Variants in PDE11A observed in about 807,000 individuals in gnomAD.
PDE11A encodes the protein phosphodiesterase 11A, also known as dual 3',5'-cyclic-AMP and -GMP phosphodiesterase 11A.
PDE11A carries 100 observed loss-of-function variants against 100.5 expected under a neutral mutation model. The ratio of observed to expected loss-of-function variants is 1.00; its 90% CI spans 0.85 to 1.18. The LOEUF is 1.18. PDE11A is among the 50% of genes most tolerant of loss of function. The probability of loss-of-function intolerance (pLI) is 0.00; values close to 1 mark genes in which losing one functional copy is unlikely to be tolerated. For missense variants in PDE11A, 1,141 were observed against 1,152.6 expected (o/e 0.99, Z 0.15); for synonymous variants, 381 against 420.8 (o/e 0.91, Z 1.16).
intron 5 of PDE11A, among the ~76,000 whole-genome samples, chr2:177,874,473 C>G (rs1407957132): frequency 5.3e-5 from 8 of 152,022 alleles, no homozygotes; most frequent in Admixed American, 4.6e-4. Context: ...ATTTTTTAAC[C>G]CTTCCTCTAG....
At chr2:177,708,249 T>TA (rs1335011928) in intron 13 of PDE11A, among the ~76,000 whole-genome samples, 6 of 151,754 alleles carry the variant, frequency 4.0e-5, no homozygotes, top group African/African-American at 1.2e-4. Flanking sequence ...TGATTGAATT[T>TA]TAAAAAATGT....
chr2:178,054,660 A>G (rs972179531), intron 1 of PDE11A, among the ~76,000 whole-genome samples: 7 of 152,154 alleles, frequency 4.6e-5, no homozygotes, highest in African/African-American at 1.7e-4. Context: ...AAGAAAAATC[A>G]AACAACCTCA....
At chr2:177,792,276 T>C (rs1244302626) in intron 9 of PDE11A, among the ~76,000 whole-genome samples, 1 of 152,176 alleles carries the variant, frequency 6.6e-6, no homozygotes, top group African/African-American at 2.4e-5. Context: ...ATTCTTCGGG[T>C]ATAATTGAGC....
At chr2:177,862,191 A>G (rs1394036148) in intron 5 of PDE11A, among the ~76,000 whole-genome samples, 1 of 151,892 alleles carries the variant, frequency 6.6e-6, no homozygotes, top group Non-Finnish European at 1.5e-5. Context: ...AAGTATACCA[A>G]AAACTCCAAG....
At chr2:177,833,673 A>G (rs981127198) in intron 6 of PDE11A, among the ~76,000 whole-genome samples, 14 of 152,244 alleles carry the variant, frequency 9.2e-5, no homozygotes, top group African/African-American at 2.7e-4. Flanking sequence ...ATCCCAGAAT[A>G]GGGCCAATCC....
At chr2:177,659,007 C>T (rs1220426097) in intron 19 of PDE11A, among the ~76,000 whole-genome samples, 4 of 151,454 alleles carry the variant, frequency 2.6e-5, no homozygotes, top group African/African-American at 2.4e-5. Flanking sequence ...ACCTATAATC[C>T]CAGCACTTTG....
intron 12 of PDE11A, among the ~76,000 whole-genome samples, chr2:177,723,473 C>A (rs2081559183): frequency 6.6e-6 from 1 of 152,152 alleles, no homozygotes; most frequent in Non-Finnish European, 1.5e-5. Context: ...TTAATGTGAT[C>A]ATGTGCTCTT....
intron 1 of PDE11A, among the ~76,000 whole-genome samples, chr2:178,067,527 G>T (rs897230795): frequency 2.6e-5 from 4 of 152,090 alleles, no homozygotes; most frequent in African/African-American, 9.7e-5. Context: ...AAGCTATTTT[G>T]TTGGACTTGG....
At chr2:178,106,751 G>C (rs892504084) in intron 1 of PDE11A, among the ~76,000 whole-genome samples, 2 of 152,092 alleles carry the variant, frequency 1.3e-5, no homozygotes, top group Non-Finnish European at 2.9e-5. Context: ...CCTGAGGTCA[G>C]GAGTTCGAGA....
At chr2:177,673,511 G>A (rs998052359) in intron 17 of PDE11A, among the ~76,000 whole-genome samples, 1 of 152,080 alleles carries the variant, frequency 6.6e-6, no homozygotes, top group Non-Finnish European at 1.5e-5. Context: ...TTCCCTTTCC[G>A]AATGGGAGTC....
At chr2:177,900,262 A>C (rs1018913961) in intron 3 of PDE11A, among the ~76,000 whole-genome samples, 2 of 152,236 alleles carry the variant, frequency 1.3e-5, no homozygotes, top group East Asian at 3.8e-4. Flanking sequence ...ACTTGATTCA[A>C]CAGAATGTAG....
chr2:177,791,433 T>C (rs62184507), intron 9 of PDE11A, among the ~76,000 whole-genome samples: 21,735 of 148,822 alleles, frequency 0.15, 1,892 homozygotes, highest in East Asian at 0.31. Context: ...ATATACCTAA[T>C]GTTAAATGAC....
intron 19 of PDE11A, among the ~76,000 whole-genome samples, chr2:177,632,726 G>A (rs993902321): frequency 1.1e-4 from 17 of 152,086 alleles, no homozygotes; most frequent in African/African-American, 4.1e-4. Context: ...CCTTTTCACA[G>A]GAAATCCCAT....
In PDE11A at chr2:177,672,147, TGGGAAAGGGGAGGGGG is replaced by T. The variant is rs2080693223; in HGVS notation, c.2488-2596_2488-2581del. Reference sequence around the variant, plus strand: ...CTCCCAGAAGGGAGGCCTTCCCACATGGGAAAGGGGAGGGGGTAAGATGAACAGTGGGCAGAGATGT... The same window carrying T: ...CTCCCAGAAGGGAGGCCTTCCCACATTAAGATGAACAGTGGGCAGAGATGT... On this transcript the variant is annotated intron_variant, in intron 17 of 19. Coordinates refer to ENST00000286063, the MANE Select transcript of PDE11A (RefSeq NM_016953.4). Among the ~76,000 whole-genome samples the T allele has an allele frequency of 9.2e-5, 14 of 152,056 alleles. No individual in the cohort carries two copies. In the South Asian group the frequency reaches 2.9e-3, roughly 32 times the overall value.
At chr2:177,884,752 G>A (rs1267418978) in intron 4 of PDE11A, among the ~76,000 whole-genome samples, 1 of 152,160 alleles carries the variant, frequency 6.6e-6, no homozygotes, top group Non-Finnish European at 1.5e-5. Flanking sequence ...CTCTTTGCAA[G>A]CAAGAAATGA....
rs75774196 is a variant in PDE11A at position 177,918,802 on chromosome 2, G to A, written c.1072-13615C>T. On this transcript the variant is annotated intron_variant, in intron 2 of 19. Transcript: ENST00000286063. ...TTCAAGAAGACCTGAGAATTTCTGA[G>A]TAAAATAGTCACCACAGAAATAATA... 7.2e-3 allele frequency among the ~76,000 whole-genome samples: 1,096 copies of A among 152,220 alleles called. 11 individuals carry two copies. Among genetic ancestry groups the A allele is most frequent in the African/African-American group, 0.025 (1,058 of 41,550 alleles).
At chr2:177,917,998 C>T (rs750600611) in intron 2 of PDE11A, among the ~76,000 whole-genome samples, 77 of 152,106 alleles carry the variant, frequency 5.1e-4, no homozygotes, top group African/African-American at 1.5e-3. Flanking sequence ...TGATATAATT[C>T]GTAAGTTGTA....
chr2:177,919,872 A>C (rs182613709), intron 2 of PDE11A, among the ~76,000 whole-genome samples: 2 of 152,174 alleles, frequency 1.3e-5, no homozygotes, highest in Non-Finnish European at 2.9e-5. Flanking sequence ...AGAGGAACCA[A>C]TTGTAAGGTT....
chr2:177,649,613 G>A (rs2080280120), intron 19 of PDE11A, among the ~76,000 whole-genome samples: 1 of 152,156 alleles, frequency 6.6e-6, no homozygotes, highest in Non-Finnish European at 1.5e-5. Context: ...ATAGATGCAT[G>A]CATATGCACT....
Sources: allele counts gnomAD v4.1 joint callset (sites outside exome capture counted in the v4.1 genomes callset), GRCh38; gene constraint gnomAD v4.1.1; transcripts MANE v1.5; gene names NCBI Gene and HGNC (gene_info 2026-07-23, HGNC 2026-07-21).